CFAP61: variants seen among roughly 807,000 people sequenced by gnomAD.
CFAP61 encodes cilia- and flagella-associated protein 61.
CFAP61 carries 107 observed loss-of-function variants against 135.6 expected under a neutral mutation model. The ratio of observed to expected loss-of-function variants is 0.79; its 90% confidence interval spans 0.67 to 0.93. The LOEUF (loss-of-function observed/expected upper bound fraction) is 0.93. CFAP61 is among the 40% of genes least tolerant of loss of function. The probability of loss-of-function intolerance (pLI) is 0.00; values close to 1 mark genes in which losing one functional copy is unlikely to be tolerated. For synonymous variants in CFAP61, 575 were observed against 578.5 expected (o/e 0.99, Z 0.09); for missense variants, 1,507 against 1,556.2 (o/e 0.97, Z 0.53).
chr20:20,279,406 A>G (rs1267121734), intron 22 of CFAP61, among the ~76,000 whole-genome samples: 1 of 152,238 alleles, frequency 6.6e-6, no homozygotes, highest in African/African-American at 2.4e-5. Flanking sequence ...TATGTATTGT[A>G]TACTCTATCC....
At chr20:20,337,542 GTGGATGGATGGATGGATGGATGGA>G (rs2058266449) in intron 25 of CFAP61, among the ~76,000 whole-genome samples, 1 of 116,800 alleles carries the variant, frequency 8.6e-6, no homozygotes, top group Non-Finnish European at 1.7e-5. Flanking sequence ...AGATGGGTGG[GTGGATGGATGGATGGATGGATGGA>G]TGGATGGATG....
In CFAP61 at chr20:20,228,275, C is replaced by G; in HGVS notation, c.1959C>G (p.Asn653Lys). 1 of 1,610,532 alleles carries G rather than the reference C, an allele frequency of 6.2e-7. No individual in the cohort carries two copies. The highest frequency in any genetic ancestry group is 8.5e-7 in the Non-Finnish European group (1 of 1,177,184). The part of the protein sequence containing the change: ...DPMSYALNHT[N>K]RKLTLEPKIT... ...TGAGTTATGCTTTAAACCATACAAA[C>G]AGAAAACTAACATTGGAACCTAAAA... is the stretch of plus-strand genomic sequence containing the variant. Residue 653 changes from asparagine (N) to lysine (K), a missense_variant, in exon 18 of 27, where the codon AAC becomes AAG. Transcript: ENST00000245957.
intron 18 of CFAP61, among the ~76,000 whole-genome samples, chr20:20,234,667 T>G (rs900659957): frequency 1.3e-5 from 2 of 152,142 alleles, no homozygotes; most frequent in African/African-American, 4.8e-5. Flanking sequence ...CAGCATTACC[T>G]GGGAAGCTGT....
At chr20:20,256,874 A>G (rs532217064) in intron 20 of CFAP61, among the ~76,000 whole-genome samples, 3 of 152,304 alleles carry the variant, frequency 2.0e-5, no homozygotes, top group African/African-American at 4.8e-5. Flanking sequence ...CAGAATTTCA[A>G]TTCTTTCTTA....
At chr20:20,166,487 A>G (rs750513579) in intron 12 of CFAP61, 51 bp downstream of exon 12, 4 of 1,430,052 alleles carry the variant, frequency 2.8e-6, no homozygotes, top group South Asian at 2.3e-5. Flanking sequence ...TAGAGAACTT[A>G]TAGAAAAGTA....
intron 21 of CFAP61, among the ~76,000 whole-genome samples, chr20:20,275,874 T>G (rs904807386): frequency 2.6e-5 from 4 of 152,208 alleles, no homozygotes; most frequent in Non-Finnish European, 4.4e-5. Context: ...AAATGTTGCC[T>G]CTTTCAGCCA....
At chr20:20,347,838 CAGG>C (rs2058686859) in intron 26 of CFAP61, among the ~76,000 whole-genome samples, 1 of 148,268 alleles carries the variant, frequency 6.7e-6, no homozygotes, top group African/African-American at 2.5e-5. Flanking sequence ...GAGGCTGAGG[CAGG>C]AGAATTGCTT....
At chr20:20,260,875 T>C (rs6046772) in intron 20 of CFAP61, among the ~76,000 whole-genome samples, 14,394 of 152,298 alleles carry the variant, frequency 0.095, 732 homozygotes, top group Middle Eastern at 0.16. Context: ...ATGCTCCTTG[T>C]AGTTCCAGTG....
intron 17 of CFAP61, among the ~76,000 whole-genome samples, chr20:20,218,425 T>G (rs2048181053): frequency 6.6e-6 from 1 of 151,268 alleles, no homozygotes; most frequent in Admixed American, 6.6e-5. Flanking sequence ...CAATTAAACC[T>G]CTTTCTTTTA....
intron 8 of CFAP61, among the ~76,000 whole-genome samples, chr20:20,140,833 A>T (rs2051337879): frequency 6.6e-6 from 1 of 152,096 alleles, no homozygotes; most frequent in Non-Finnish European, 1.5e-5. Flanking sequence ...ACAATGATAG[A>T]CTGGATTAAG....
chr20:20,056,471 A>G (rs2044341874), intron 1 of CFAP61, 147 bp from the exon 2 acceptor site: 1 of 606,592 alleles, frequency 1.6e-6, no homozygotes, highest in Non-Finnish European at 2.9e-6. Flanking sequence ...GCTGGTTTGC[A>G]GTGACAGTTG....
intron 10 of CFAP61, among the ~76,000 whole-genome samples, chr20:20,160,598 G>A (rs928891598): frequency 6.6e-6 from 1 of 152,200 alleles, no homozygotes; most frequent in Non-Finnish European, 1.5e-5. Flanking sequence ...CCCACTCCCA[G>A]CTAATTGCAT....
intron 18 of CFAP61, among the ~76,000 whole-genome samples, chr20:20,233,620 C>T (rs2049337495): frequency 6.6e-6 from 1 of 152,132 alleles, no homozygotes; most frequent in East Asian, 1.9e-4. Flanking sequence ...CTCAGTCTCC[C>T]CAGGCAGCAA....
intron 13 of CFAP61, among the ~76,000 whole-genome samples, chr20:20,181,210 T>TATAC (rs1019902777): frequency 5.3e-4 from 71 of 134,912 alleles, no homozygotes; most frequent in African/African-American, 1.9e-3. Context: ...TATATGTATA[T>TATAC]ATACATATGT....
chr20:20,097,376 T>C (rs1476187531), intron 7 of CFAP61, among the ~76,000 whole-genome samples: 4 of 152,248 alleles, frequency 2.6e-5, no homozygotes, highest in Non-Finnish European at 5.9e-5. Context: ...TAAAATCTAC[T>C]AATAATTATT....
chr20:20,263,094 C>CTGA lies in CFAP61; in HGVS notation c.2469_2471dup (p.Leu823_Ile824insMet). On this transcript the variant is annotated inframe_insertion, in exon 21 of 27. Transcript: ENST00000245957. ...CGAGGAAGAGGATTGCTTTAAGGCA[C>CTGA]TGATTTGGATAAGGAATAACTCCAT... The CTGA allele has an allele frequency of 6.2e-7, 1 of 1,613,912 alleles. No individual in the cohort carries two copies.
chr20:20,337,564 G>A (rs1381301066), intron 25 of CFAP61, among the ~76,000 whole-genome samples: 5 of 1,660 alleles, frequency 3.0e-3, no homozygotes, highest in Middle Eastern at 0.25. Flanking sequence ...ATGGATGGAT[G>A]GATGGATGGA....
chr20:20,325,446 G>T (rs1298600862), intron 25 of CFAP61, among the ~76,000 whole-genome samples: 2 of 152,110 alleles, frequency 1.3e-5, no homozygotes, highest in East Asian at 3.8e-4. Flanking sequence ...TACTGTCTCC[G>T]TAGTTTTACC....
At chr20:20,312,726 C>G (rs755789828) in intron 25 of CFAP61, among the ~76,000 whole-genome samples, 2 of 152,056 alleles carry the variant, frequency 1.3e-5, no homozygotes, top group African/African-American at 4.8e-5. Context: ...TCTTTACAGA[C>G]GAATAAGATG....
Sources: allele counts gnomAD v4.1 joint callset (sites outside exome capture counted in the v4.1 genomes callset), GRCh38; gene constraint gnomAD v4.1.1; transcripts MANE v1.5; gene names NCBI Gene and HGNC (gene_info 2026-07-23, HGNC 2026-07-21).